Variants in PTPRD observed in about 807,000 individuals in gnomAD.
The protein encoded by PTPRD is receptor-type tyrosine-protein phosphatase delta.
PTPRD carries 34 observed loss-of-function variants against 214.5 expected under a neutral mutation model. The ratio of observed to expected loss-of-function variants is 0.16; its 90% CI spans 0.12 to 0.21. The LOEUF (loss-of-function observed/expected upper bound fraction) is 0.21, where lower values mean the gene tolerates loss of function less well. Ranked by LOEUF, PTPRD falls within the 10% of genes least tolerant of loss-of-function variation. PTPRD has a pLI of 1.00. For synonymous variants in PTPRD, 1,128 were observed against 845.7 expected (o/e 1.33, Z -5.79); for missense variants, 2,545 against 2,398.7 (o/e 1.06, Z -1.27).
At chr9:8,511,573 C>A (rs372630607) in intron 21 of PTPRD, among the ~76,000 whole-genome samples, 21 of 151,862 alleles carry the variant, frequency 1.4e-4, no homozygotes, top group African/African-American at 5.1e-4. Context: ...ATGTGAGATT[C>A]TGGGAAAATC....
chr9:10,604,059 A>T (rs1000140583), intron 2 of PTPRD, among the ~76,000 whole-genome samples: 9 of 151,834 alleles, frequency 5.9e-5, no homozygotes, highest in African/African-American at 2.2e-4. Flanking sequence ...CTCCCTATGA[A>T]GTTAAAAAAC....
intron 8 of PTPRD, among the ~76,000 whole-genome samples, chr9:9,491,312 G>C (rs1224070740): frequency 6.6e-6 from 1 of 151,742 alleles, no homozygotes. Context: ...AAAAACTGAT[G>C]GAATTAAAGG....
intron 10 of PTPRD, among the ~76,000 whole-genome samples, chr9:9,039,137 A>G (rs2099631410): frequency 2.0e-5 from 3 of 152,184 alleles, no homozygotes; most frequent in Admixed American, 2.0e-4. Context: ...ATGGATAGCT[A>G]TACAAAGCTA....
At chr9:9,933,206 G>T (rs1169883278) in intron 5 of PTPRD, among the ~76,000 whole-genome samples, 1 of 152,118 alleles carries the variant, frequency 6.6e-6, no homozygotes, top group Non-Finnish European at 1.5e-5. Flanking sequence ...CATAATGACA[G>T]GATCAAATTC....
rs115448264 is a variant in PTPRD, at chr9:9,468,590, T to C, written c.-236-71108A>G. Among the ~76,000 whole-genome samples, 393 of 152,230 alleles carry C rather than the reference T, an allele frequency of 2.6e-3. 1 individual carries two copies. The highest frequency in any genetic ancestry group is 8.3e-3 in the African/African-American group (346 of 41,580). On this transcript the variant is annotated intron_variant, in intron 8 of 45. Transcript: ENST00000381196. ...ATTAATATTCAATGTCTTTATTTCA[T>C]AAACATGCATTTCAGTCTATATATG...
intron 3 of PTPRD, among the ~76,000 whole-genome samples, chr9:10,250,264 T>C (rs564470931): frequency 6.6e-6 from 1 of 152,310 alleles, no homozygotes; most frequent in East Asian, 1.9e-4. Flanking sequence ...AGATTCAGTT[T>C]AGGGTAATGA....
intron 9 of PTPRD, among the ~76,000 whole-genome samples, chr9:9,389,993 G>A (rs573065974): frequency 1.8e-4 from 28 of 152,252 alleles, no homozygotes; most frequent in African/African-American, 6.5e-4. Context: ...GCATTAAGTG[G>A]GATAAGAAGA....
At chr9:8,495,496 C>G (rs191479760) in intron 26 of PTPRD, among the ~76,000 whole-genome samples, 14 of 152,262 alleles carry the variant, frequency 9.2e-5, no homozygotes, top group African/African-American at 3.4e-4. Context: ...TCCACTAAGT[C>G]ACTGGATTTT....
chr9:9,671,430 T>A (rs1272310314), intron 7 of PTPRD, among the ~76,000 whole-genome samples: 1 of 141,078 alleles, frequency 7.1e-6, no homozygotes, highest in Non-Finnish European at 1.6e-5. Context: ...ACTTTTAGGT[T>A]AATGCTGAAA....
intron 11 of PTPRD, among the ~76,000 whole-genome samples, chr9:8,784,458 A>C (rs1328703444): frequency 6.6e-6 from 1 of 152,244 alleles, no homozygotes; most frequent in Admixed American, 6.5e-5. Context: ...TCGGCTTATC[A>C]AACTATTCCC....
At chr9:9,581,634 G>A (rs1160652961) in intron 7 of PTPRD, among the ~76,000 whole-genome samples, 3 of 151,738 alleles carry the variant, frequency 2.0e-5, no homozygotes, top group Non-Finnish European at 4.4e-5. Flanking sequence ...ATAGACCCTT[G>A]GGAAAAAAAA....
chr9:9,137,584 T>C (rs2099852928), intron 10 of PTPRD, among the ~76,000 whole-genome samples: 1 of 152,208 alleles, frequency 6.6e-6, no homozygotes, highest in Non-Finnish European at 1.5e-5. Context: ...AAACCATGGA[T>C]GAACTTCTTT....
chr9:9,439,030 G>T (rs978261798), intron 8 of PTPRD, among the ~76,000 whole-genome samples: 1 of 152,040 alleles, frequency 6.6e-6, no homozygotes, highest in Non-Finnish European at 1.5e-5. Context: ...TAATATTTCT[G>T]TGCAATGTTC....
chr9:9,895,808 T>G (rs977057719), intron 5 of PTPRD, among the ~76,000 whole-genome samples: 1 of 152,118 alleles, frequency 6.6e-6, no homozygotes, highest in Non-Finnish European at 1.5e-5. Context: ...ATGCAGTTCC[T>G]TAAAACCTCA....
At chr9:10,122,203 G>T (rs1398519673) in intron 3 of PTPRD, among the ~76,000 whole-genome samples, 1 of 152,086 alleles carries the variant, frequency 6.6e-6, no homozygotes, top group African/African-American at 2.4e-5. Flanking sequence ...AGCTACTCGG[G>T]AGGCTGAGGC....
intron 9 of PTPRD, among the ~76,000 whole-genome samples, chr9:9,292,525 C>G (rs1951521401): frequency 1.3e-5 from 2 of 151,352 alleles, no homozygotes. Context: ...TTCTCATATA[C>G]TCCACATCCA....
intron 10 of PTPRD, among the ~76,000 whole-genome samples, chr9:9,071,565 C>T (rs553331918): frequency 6.6e-6 from 1 of 152,242 alleles, no homozygotes; most frequent in African/African-American, 2.4e-5. Flanking sequence ...CCTCTGGTCC[C>T]TGAGGTCAGC....
chr9:10,055,906 G>T lies in PTPRD; in HGVS notation c.-544-22116C>A, dbSNP rs192359465. 3.3e-5 allele frequency among the ~76,000 whole-genome samples: 5 copies of T among 151,772 alleles called. No homozygotes were observed. The East Asian group carries it at 9.7e-4, about 29-fold the overall frequency. On this transcript the variant is annotated intron_variant, in intron 3 of 45. Transcript: ENST00000381196. ...AAATGTATAATGTATAAATGAGTGT[G>T]TGTGTACTTACTGCAACATCTGATT... is the stretch of plus-strand genomic sequence containing the variant.
intron 14 of PTPRD, among the ~76,000 whole-genome samples, chr9:8,630,390 G>T (rs1164103153): frequency 6.6e-6 from 1 of 151,760 alleles, no homozygotes; most frequent in Admixed American, 6.6e-5. Flanking sequence ...GTTTACACTG[G>T]AATATTATTA....
Sources: allele counts gnomAD v4.1 joint callset (sites outside exome capture counted in the v4.1 genomes callset), GRCh38; gene constraint gnomAD v4.1.1; transcripts MANE v1.5; gene names NCBI Gene and HGNC (gene_info 2026-07-23, HGNC 2026-07-21).